Variants in ZCCHC9 observed in about 807,000 individuals in gnomAD.
The protein encoded by ZCCHC9 is zinc finger CCHC-type containing 9.
Under a neutral mutation model 30.8 loss-of-function variants are expected in ZCCHC9, and 18 were observed. The ratio of observed to expected loss-of-function variants is 0.58; its 90% CI spans 0.40 to 0.87. ZCCHC9 has a LOEUF of 0.87. Among genes scored for constraint, ZCCHC9 ranks in the 40% least tolerant of loss-of-function variants. The pLI, the probability that ZCCHC9 is intolerant of heterozygous loss-of-function variation, is 0.00. For synonymous variants in ZCCHC9, 94 were observed against 106.7 expected, an observed-to-expected ratio of 0.88 and a Z score of 0.73; for missense variants, 279 against 331.2, an observed-to-expected ratio of 0.84 and a Z score of 1.22.
chr5:81,312,877 A>G lies in ZCCHC9; in HGVS notation c.*215A>G, dbSNP rs186099753. On this transcript the variant is annotated 3_prime_UTR_variant, in exon 6 of 6. Transcript: ENST00000407610. ...TTGAAGAAAAGAATAAGATGATTAA[A>G]TGAATTCTCTAAAAGAACATATTTT... 3.3e-4 allele frequency: 118 copies of G among 353,468 alleles called. No individual in the cohort carries two copies. Among genetic ancestry groups the G allele is most frequent in the Admixed American group, 6.5e-4 (15 of 22,994 alleles). The allele number at this position is 353,468 out of a possible 1,614,324, so 21.9% of individuals were successfully genotyped here.
Position 81,313,149 on chromosome 5 carries a change from A to G in ZCCHC9, c.*487A>G, listed in dbSNP as rs1561309718. The G allele has an allele frequency of 1.3e-5, 2 of 152,174 alleles. No individual in the cohort carries two copies. The highest frequency in any genetic ancestry group is 4.8e-5 in the African/African-American group (2 of 41,444). The allele number at this position is 152,174 out of a possible 1,614,324, so 9.4% of individuals were successfully genotyped here. A position where few individuals can be genotyped will look rare whatever the true frequency, so the allele number is the denominator to read the frequency against. The stretch of plus-strand genomic sequence containing the variant: ...ATGTTTTCTATTAAGCAATAGAAAT[A>G]TTTTTGTGTATAATTTTTCTGAATA... On this transcript the variant is annotated 3_prime_UTR_variant, in exon 6 of 6. Coordinates refer to ENST00000407610, the MANE Select transcript of ZCCHC9 (RefSeq NM_001131035.2).
In ZCCHC9 at chr5:81,308,663, A is replaced by G; in HGVS notation, c.487A>G (p.Thr163Ala). 6.2e-7 allele frequency: 1 copy of G among 1,613,786 alleles called. No individual in the cohort carries two copies. Among genetic ancestry groups the G allele is most frequent in the Non-Finnish European group, 8.5e-7 (1 of 1,179,842 alleles). ...TGGGATATGTTACAGGTGTGGGTCCACAGAGCACGAAATAACCAAGTGTAA... is the reference window on the plus strand; with the variant it reads ...TGGGATATGTTACAGGTGTGGGTCCGCAGAGCACGAAATAACCAAGTGTAA... The part of the protein sequence containing the change: ...GTGICYRCGS[T>A]EHEITKCKAK... The change falls in exon 3 of 6, where the codon ACA becomes GCA. Residue 163 changes from threonine (T) to alanine (A), a missense_variant. Coordinates refer to ENST00000407610, the MANE Select transcript of ZCCHC9 (RefSeq NM_001131035.2).
chr5:81,306,020 A>G (rs1048475771), intron 2 of ZCCHC9, among the ~76,000 whole-genome samples: 1 of 152,102 alleles, frequency 6.6e-6, no homozygotes, highest in African/African-American at 2.4e-5. Flanking sequence ...CCTCCCCCAT[A>G]TTACATTCAG....
chr5:81,305,221 GCC>G, intron 2 of ZCCHC9, 80 bp downstream of exon 2: 1 of 1,495,490 alleles, frequency 6.7e-7, no homozygotes, highest in Non-Finnish European at 8.9e-7. Flanking sequence ...ATATACCTTA[GCC>G]AGCTCTGGTT....
chr5:81,306,893 A>G (rs1561305384), intron 2 of ZCCHC9, among the ~76,000 whole-genome samples: 1 of 152,172 alleles, frequency 6.6e-6, no homozygotes, highest in Non-Finnish European at 1.5e-5. Flanking sequence ...GTGGTGATGC[A>G]GGTTTTAGCA....
intron 4 of ZCCHC9, 142 bp from the exon 5 acceptor site, chr5:81,311,069 T>G (rs1361369751): frequency 1.3e-6 from 1 of 782,996 alleles, no homozygotes; most frequent in African/African-American, 1.7e-5. Context: ...ATAGGAATAG[T>G]GGCACCTCCC....
intron 2 of ZCCHC9, among the ~76,000 whole-genome samples, chr5:81,305,875 C>A (rs1244776705): frequency 5.9e-5 from 9 of 152,040 alleles, no homozygotes; most frequent in Non-Finnish European, 1.0e-4. Context: ...TGTGTGGGTC[C>A]CTATTACTTG....
intron 4 of ZCCHC9, 95 bp from the exon 5 acceptor site, chr5:81,311,116 G>T: frequency 8.1e-7 from 1 of 1,241,172 alleles, no homozygotes; most frequent in Non-Finnish European, 1.2e-6. Context: ...AACTGACAGG[G>T]TTGTGAGGAT....
At chr5:81,307,579 G>A (rs188635734) in intron 2 of ZCCHC9, among the ~76,000 whole-genome samples, 4 of 152,080 alleles carry the variant, frequency 2.6e-5, no homozygotes, top group African/African-American at 4.8e-5. Context: ...TTTGAACCTG[G>A]GAGACGGAGG....
At chr5:81,305,710 G>A (rs1052271336) in intron 2 of ZCCHC9, among the ~76,000 whole-genome samples, 4 of 152,130 alleles carry the variant, frequency 2.6e-5, no homozygotes, top group African/African-American at 9.7e-5. Context: ...AGTGAACCAT[G>A]TGATCAACCG....
chr5:81,309,678 A>G (rs1224245719), intron 4 of ZCCHC9, among the ~76,000 whole-genome samples: 1 of 152,096 alleles, frequency 6.6e-6, no homozygotes, highest in Non-Finnish European at 1.5e-5. Flanking sequence ...TAGCTTTTGG[A>G]GTTGGTCAGA....
At position 81,308,812 on chromosome 5, in the gene ZCCHC9, G is replaced by C. The variant is rs143879427; in HGVS notation, c.535+101G>C. ...CAATTTGTTACGAGTGTGCCACTTA[G>C]TATTTGGAAATCATATGAGATTAAA... On this transcript the variant is annotated intron_variant, in intron 3 of 5. Transcript: ENST00000407610. 2.9e-4 allele frequency: 423 copies of C among 1,464,206 alleles called. 3 individuals are homozygous for C. In the African/African-American group the frequency reaches 5.2e-3, roughly 18 times the overall value. The allele number at this position is 1,464,206 out of a possible 1,614,324, so 90.7% of individuals were successfully genotyped here.
At chr5:81,305,280 T>A in intron 2 of ZCCHC9, 139 bp downstream of exon 2, 4 of 1,163,610 alleles carry the variant, frequency 3.4e-6, no homozygotes, top group Non-Finnish European at 4.7e-6. Flanking sequence ...GGACTAGTAC[T>A]TTTTTAGCAC....
rs1411268240 is a variant in ZCCHC9 at position 81,308,411 on chromosome 5, A to T, written c.385-150A>T. 3 of 951,812 alleles carry T rather than the reference A, an allele frequency of 3.2e-6. No homozygotes were observed. In the African/African-American group the frequency reaches 5.1e-5, roughly 16 times the overall value. 59.0% of individuals were successfully genotyped at this position (951,812 alleles called of 1,614,324 possible). The stretch of plus-strand genomic sequence containing the variant: ...GGAAAGGATATCTCGTTGTTTAGGA[A>T]CGTATGAAAGCTTTTTTCTACAAAT... On this transcript the variant is annotated intron_variant, in intron 2 of 5. Transcript: ENST00000407610.
At chr5:81,305,668 C>T (rs923774158) in intron 2 of ZCCHC9, among the ~76,000 whole-genome samples, 1 of 151,606 alleles carries the variant, frequency 6.6e-6, no homozygotes, top group Non-Finnish European at 1.5e-5. Flanking sequence ...CCAGCTGAGG[C>T]AGGAGGATTG....
At chr5:81,306,017 C>A (rs1359476500) in intron 2 of ZCCHC9, among the ~76,000 whole-genome samples, 1 of 152,172 alleles carries the variant, frequency 6.6e-6, no homozygotes, top group Non-Finnish European at 1.5e-5. Flanking sequence ...CTCCCTCCCC[C>A]ATATTACATT....
In ZCCHC9 at chr5:81,311,245, T is replaced by A; in HGVS notation, c.663T>A (p.His221Gln). 1 of 1,614,078 alleles carries A rather than the reference T, an allele frequency of 6.2e-7. No individual in the cohort carries two copies. The highest frequency in any genetic ancestry group is 8.5e-7 in the Non-Finnish European group (1 of 1,179,944). Residue 221 changes from histidine to glutamine, a missense_variant, in exon 5 of 6, where the codon CAT becomes CAA. By Grantham distance (24) the His-to-Gln change is conservative. Transcript: ENST00000407610. ...GCAAACTTTGTGGCTCTGTGGAACA[T>A]TTAAAGAAAGATTGCCCTGAAAGTC... Reference protein sequence around the residue: ...GGCKLCGSVEHLKKDCPESQN... With the variant: ...GGCKLCGSVEQLKKDCPESQN...
At chr5:81,305,205 A>G in intron 2 of ZCCHC9, 64 bp downstream of exon 2, 1 of 1,519,494 alleles carries the variant, frequency 6.6e-7, no homozygotes, top group Non-Finnish European at 8.8e-7. Flanking sequence ...TTATATTCAC[A>G]CACATATATA....
At chr5:81,301,923 C>G (rs949647416) in intron 1 of ZCCHC9, 1 of 152,374 alleles carries the variant, frequency 6.6e-6, no homozygotes, top group Non-Finnish European at 1.5e-5. Context: ...CCGCTTGGCT[C>G]TCCCACTTCA....
Sources: gnomAD v4.1 joint callset for allele counts (sites outside exome capture counted in the v4.1 genomes callset) on GRCh38, gnomAD v4.1.1 for gene constraint, MANE v1.5 for transcripts, NCBI Gene and HGNC (gene_info 2026-07-23, HGNC 2026-07-21) for gene names.